SPPL3: variants seen among roughly 807,000 people sequenced by gnomAD.
The protein encoded by SPPL3 is signal peptide peptidase-like 3.
A neutral mutation model predicts 42.4 loss-of-function variants in SPPL3; 5 were observed. The ratio of observed to expected loss-of-function variants is 0.12; its 90% CI spans 0.06 to 0.25. SPPL3 has a LOEUF of 0.25. SPPL3 is among the 10% of genes least tolerant of loss of function. The probability of loss-of-function intolerance (pLI) is 1.00; values close to 1 mark genes in which losing one functional copy is unlikely to be tolerated. For synonymous variants in SPPL3, 195 were observed against 181.8 expected, an observed-to-expected ratio of 1.07 and a Z score of -0.58; for missense variants, 235 against 489.0, an observed-to-expected ratio of 0.48 and a Z score of 4.90.
intron 6 of SPPL3, among the ~76,000 whole-genome samples, chr12:120,782,380 C>CA (rs1255570716): frequency 1.3e-5 from 2 of 152,090 alleles, no homozygotes; most frequent in Non-Finnish European, 2.9e-5. Context: ...CTAAGTGAAA[C>CA]AAGTCAGACA....
intron 2 of SPPL3, 39 bp downstream of exon 2, chr12:120,810,770 A>G: frequency 6.6e-7 from 1 of 1,504,210 alleles, no homozygotes; most frequent in South Asian, 1.2e-5. Context: ...TCCTTCTTCC[A>G]CCTCCAACTT....
At chr12:120,848,418 G>A (rs531488314) in intron 1 of SPPL3, among the ~76,000 whole-genome samples, 52 of 152,252 alleles carry the variant, frequency 3.4e-4, no homozygotes, top group African/African-American at 9.1e-4. Context: ...GCTTGAACAT[G>A]GCAGGGAGCC....
At chr12:120,826,119 C>T (rs188469439) in intron 1 of SPPL3, among the ~76,000 whole-genome samples, 1 of 151,338 alleles carries the variant, frequency 6.6e-6, no homozygotes, top group Non-Finnish European at 1.5e-5. Context: ...CATGGAGAAA[C>T]CCTGTCTCTA....
intron 1 of SPPL3, among the ~76,000 whole-genome samples, chr12:120,901,330 T>C (rs898983907): frequency 6.6e-6 from 1 of 152,088 alleles, no homozygotes; most frequent in East Asian, 1.9e-4. Flanking sequence ...CGGTGGTTCA[T>C]GCCTGCAATC....
intron 1 of SPPL3, among the ~76,000 whole-genome samples, chr12:120,899,200 C>G (rs1483346658): frequency 6.6e-6 from 1 of 152,124 alleles, no homozygotes; most frequent in African/African-American, 2.4e-5. Context: ...ATGTTACTAC[C>G]AATTATTTCA....
At chr12:120,851,690 A>G (rs1872229863) in intron 1 of SPPL3, among the ~76,000 whole-genome samples, 1 of 151,600 alleles carries the variant, frequency 6.6e-6, no homozygotes, top group Admixed American at 6.6e-5. Flanking sequence ...TGGAGCCTTG[A>G]CCTCCCCGGG....
chr12:120,868,903 C>T (rs567339597), intron 1 of SPPL3, among the ~76,000 whole-genome samples: 1 of 152,274 alleles, frequency 6.6e-6, no homozygotes, highest in African/African-American at 2.4e-5. Flanking sequence ...GGTGCCATAG[C>T]GACTGCTATA....
chr12:120,796,475 TGTCAGTTCTGG>T lies in SPPL3; in HGVS notation c.102-4929_102-4919del, dbSNP rs1870101702. Among the ~76,000 whole-genome samples the T allele has an allele frequency of 2.0e-5, 3 of 152,366 alleles. No individual in the cohort carries two copies. The South Asian group carries it at 6.2e-4, about 32-fold the overall frequency. On this transcript the variant is annotated intron_variant, in intron 2 of 10. Transcript: ENST00000353487. ...TGTACTTTGCTCATACTAACATCTGTGTCAGTTCTGGGTCAGTTTTGATTGACTGATTATTT... is the reference window on the plus strand; with the variant it reads ...TGTACTTTGCTCATACTAACATCTGTGTCAGTTTTGATTGACTGATTATTT...
intron 3 of SPPL3, among the ~76,000 whole-genome samples, chr12:120,791,165 A>G (rs972186681): frequency 6.6e-6 from 1 of 152,136 alleles, no homozygotes; most frequent in Admixed American, 6.5e-5. Context: ...TTTCTCTTGT[A>G]CTTTTGCATC....
intron 1 of SPPL3, among the ~76,000 whole-genome samples, chr12:120,824,553 A>T (rs1871180044): frequency 1.3e-5 from 2 of 152,206 alleles, no homozygotes; most frequent in African/African-American, 4.8e-5. Flanking sequence ...TTTCTGAGAC[A>T]AGGTCTCACT....
chr12:120,798,057 A>T (rs1052960882), intron 2 of SPPL3, among the ~76,000 whole-genome samples: 2 of 152,146 alleles, frequency 1.3e-5, no homozygotes, highest in African/African-American at 2.4e-5. Context: ...AATCTGGCCA[A>T]CGAACTGTTT....
intron 1 of SPPL3, among the ~76,000 whole-genome samples, chr12:120,812,139 ATT>A (rs1310248204): frequency 1.4e-5 from 2 of 143,766 alleles, no homozygotes; most frequent in African/African-American, 2.5e-5. Flanking sequence ...GGAGGAACAG[ATT>A]TTTTTTTTTT....
At chr12:120,859,778 TACTAAAAATACAAAA>T (rs1485223015) in intron 1 of SPPL3, among the ~76,000 whole-genome samples, 1 of 151,968 alleles carries the variant, frequency 6.6e-6, no homozygotes, top group African/African-American at 2.4e-5. Flanking sequence ...ACCCTGTCTC[TACTAAAAATACAAAA>T]TTAGCTGGGG....
At chr12:120,820,306 A>ATTTTTTTT (rs11374486) in intron 1 of SPPL3, among the ~76,000 whole-genome samples, 20 of 100,996 alleles carry the variant, frequency 2.0e-4, no homozygotes, top group East Asian at 8.0e-4. Flanking sequence ...CTTTCTCTAA[A>ATTTTTTTT]TTTTTTTTTT....
At chr12:120,899,139 G>C (rs80346655) in intron 1 of SPPL3, among the ~76,000 whole-genome samples, 1 of 152,120 alleles carries the variant, frequency 6.6e-6, no homozygotes, top group Admixed American at 6.5e-5. Flanking sequence ...GTGTATGTGA[G>C]AAAAAAGGCT....
intron 2 of SPPL3, among the ~76,000 whole-genome samples, chr12:120,801,071 G>A (rs1171136476): frequency 2.6e-5 from 4 of 152,234 alleles, no homozygotes; most frequent in Non-Finnish European, 5.9e-5. Flanking sequence ...AAGAATAGCT[G>A]AGAGAAGCTG....
chr12:120,871,512 G>A (rs968361176), intron 1 of SPPL3, among the ~76,000 whole-genome samples: 2 of 152,072 alleles, frequency 1.3e-5, no homozygotes, highest in African/African-American at 2.4e-5. Flanking sequence ...CAGCATTTTG[G>A]GAGGCTGAGA....
intron 2 of SPPL3, among the ~76,000 whole-genome samples, chr12:120,799,496 C>G (rs190047501): frequency 6.6e-6 from 1 of 152,138 alleles, no homozygotes; most frequent in African/African-American, 2.4e-5. Flanking sequence ...TTAGCTGGTC[C>G]ATTTTCTTAG....
intron 1 of SPPL3, among the ~76,000 whole-genome samples, chr12:120,846,517 G>A (rs537809377): frequency 5.9e-5 from 9 of 152,262 alleles, no homozygotes; most frequent in African/African-American, 2.2e-4. Flanking sequence ...GAATTTTAGA[G>A]CCTGAGCATG....
Sources: gnomAD v4.1 joint callset for allele counts (sites outside exome capture counted in the v4.1 genomes callset) on GRCh38, gnomAD v4.1.1 for gene constraint, MANE v1.5 for transcripts, NCBI Gene and HGNC (gene_info 2026-07-23, HGNC 2026-07-21) for gene names.